Variants in GRID1 observed in about 807,000 individuals in gnomAD.
GRID1 encodes the protein glutamate receptor ionotropic, delta-1.
In GRID1, 28 loss-of-function variants were observed where a neutral mutation model predicts 98.0. That is an observed-to-expected ratio of 0.29 (90% confidence interval 0.21 to 0.39). The LOEUF (loss-of-function observed/expected upper bound fraction) is 0.39, where lower values mean the gene tolerates loss of function less well. Ranked by LOEUF, GRID1 falls within the 10% of genes least tolerant of loss-of-function variation. The pLI, the probability that GRID1 is intolerant of heterozygous loss-of-function variation, is 1.00. For synonymous variants in GRID1, 553 were observed against 538.5 expected, an observed-to-expected ratio of 1.03 and a Z score of -0.37; for missense variants, 1,111 against 1,340.5, an observed-to-expected ratio of 0.83 and a Z score of 2.67.
At chr10:86,112,074 G>A (rs913352557) in intron 4 of GRID1, among the ~76,000 whole-genome samples, 1 of 152,212 alleles carries the variant, frequency 6.6e-6, no homozygotes, top group African/African-American at 2.4e-5. Flanking sequence ...GACCTGAGTT[G>A]CCACAAAGTG....
intron 12 of GRID1, among the ~76,000 whole-genome samples, chr10:85,671,671 T>G (rs956626420): frequency 1.3e-5 from 2 of 152,174 alleles, no homozygotes; most frequent in African/African-American, 2.4e-5. Context: ...TCATTCTTGA[T>G]GAAAATCTAG....
At position 85,602,526 on chromosome 10, in the gene GRID1, G is replaced by T. The variant is rs1053387966; in HGVS notation, c.2777C>A (p.Ser926Ter). Residue 926 changes from serine to a stop codon, truncating the protein, a stop_gained, in exon 16 of 16, where the codon TCG becomes TAG. Transcript: ENST00000327946. LOFTEE classifies it high-confidence loss of function. The stretch of plus-strand genomic sequence containing the variant: ...CTGCTCTGGCAGAAAGGTGCTGACC[G>T]AGAGCTGGGTGTTCTGGTACTCCCG... ...PTREYQNTQL[S>*]VSTFLPEQSS... 4 of 1,614,138 alleles carry T rather than the reference G, an allele frequency of 2.5e-6. No individual in the cohort carries two copies. Among genetic ancestry groups the T allele is most frequent in the Non-Finnish European group, 3.4e-6 (4 of 1,180,030 alleles).
intron 8 of GRID1, among the ~76,000 whole-genome samples, chr10:85,821,965 G>T (rs1422983063): frequency 6.6e-6 from 1 of 152,096 alleles, no homozygotes; most frequent in Admixed American, 6.5e-5. Flanking sequence ...AAATGGTGCT[G>T]GGAACACTGG....
chr10:86,177,469 GAGAC>G (rs1845592648), intron 3 of GRID1, among the ~76,000 whole-genome samples: 1 of 152,122 alleles, frequency 6.6e-6, no homozygotes, highest in East Asian at 1.9e-4. Context: ...TACAGAGAGA[GAGAC>G]AGAAGCTTTA....
rs1000507378 is a variant in GRID1, at chr10:86,173,008, G to A, written c.520+33356C>T. ...TCTTTCACATGTATACATTTCAATTGTGTCTCCAAAAGACAAGGATTTTTC... is the reference window on the plus strand; with the variant it reads ...TCTTTCACATGTATACATTTCAATTATGTCTCCAAAAGACAAGGATTTTTC... On this transcript the variant is annotated intron_variant, in intron 3 of 15. Transcript: ENST00000327946. 1.3e-4 allele frequency among the ~76,000 whole-genome samples: 20 copies of A among 152,188 alleles called. No homozygotes were observed. In the East Asian group the frequency reaches 3.9e-3, roughly 29 times the overall value.
At chr10:85,627,486 T>G (rs1305701360) in intron 13 of GRID1, among the ~76,000 whole-genome samples, 1 of 152,254 alleles carries the variant, frequency 6.6e-6, no homozygotes, top group Non-Finnish European at 1.5e-5. Context: ...TGTAAAACTT[T>G]ATGTTTGTGA....
At chr10:86,112,917 G>A (rs1384064008) in intron 4 of GRID1, among the ~76,000 whole-genome samples, 2 of 152,066 alleles carry the variant, frequency 1.3e-5, no homozygotes, top group Non-Finnish European at 2.9e-5. Flanking sequence ...AAATTAGGGG[G>A]GAAAAGATGC....
chr10:86,242,310 G>A (rs112844807), intron 2 of GRID1, among the ~76,000 whole-genome samples: 124 of 152,292 alleles, frequency 8.1e-4, no homozygotes, highest in Middle Eastern at 3.4e-3. Flanking sequence ...GGAGTGTTTG[G>A]AGCAAAAGGC....
intron 1 of GRID1, 82 bp from the exon 2 acceptor site, chr10:86,364,178 C>A (rs1046981084): frequency 2.5e-6 from 3 of 1,180,282 alleles, no homozygotes; most frequent in Admixed American, 1.9e-5. Flanking sequence ...AAGGCACTCG[C>A]AGACCGATGA....
Position 85,601,933 on chromosome 10 carries a change from C to A in GRID1, c.*340G>T. 1 of 228,398 alleles carries A rather than the reference C, an allele frequency of 4.4e-6. No individual in the cohort carries two copies. Among genetic ancestry groups the A allele is most frequent in the South Asian group, 1.6e-4 (1 of 6,384 alleles). The allele number at this position is 228,398 out of a possible 1,614,324, so 14.1% of individuals were successfully genotyped here. On this transcript the variant is annotated 3_prime_UTR_variant, in exon 16 of 16. Transcript: ENST00000327946. ...CAGAGAGGGGCTCCTTATCTGGTCG[C>A]CCCTCCTGCCCTCAGAAAGGCCCAG...
At chr10:85,641,805 G>C (rs188377386) in intron 13 of GRID1, among the ~76,000 whole-genome samples, 26 of 152,312 alleles carry the variant, frequency 1.7e-4, no homozygotes, top group African/African-American at 5.8e-4. Flanking sequence ...GCGCAGTGAG[G>C]GAGAAGTTTC....
intron 2 of GRID1, among the ~76,000 whole-genome samples, chr10:86,327,748 A>T (rs1485730260): frequency 6.6e-6 from 1 of 152,248 alleles, no homozygotes; most frequent in African/African-American, 2.4e-5. Context: ...TGGACTGACA[A>T]AAATTAAGAC....
At position 85,802,427 on chromosome 10, in the gene GRID1, T is replaced by A. The variant is rs1842585002; in HGVS notation, c.1233+52069A>T. Among the ~76,000 whole-genome samples the A allele has an allele frequency of 2.0e-5, 3 of 151,960 alleles. No individual in the cohort carries two copies. The South Asian group carries it at 6.2e-4, about 31-fold the overall frequency. On this transcript the variant is annotated intron_variant, in intron 8 of 15. Coordinates refer to ENST00000327946, the MANE Select transcript of GRID1 (RefSeq NM_017551.3). ...ACCCAGAAGCAGACCCACATATATA[T>A]GAATATGAAAATTTGCCTATAGAAA...
chr10:85,890,984 G>A (rs1221593317), intron 5 of GRID1, among the ~76,000 whole-genome samples: 1 of 152,040 alleles, frequency 6.6e-6, no homozygotes, highest in Non-Finnish European at 1.5e-5. Flanking sequence ...TACTCCCCAG[G>A]CAGATATTCA....
intron 12 of GRID1, among the ~76,000 whole-genome samples, chr10:85,664,959 T>C (rs1375323648): frequency 6.6e-6 from 1 of 152,214 alleles, no homozygotes; most frequent in African/African-American, 2.4e-5. Flanking sequence ...AGGCAGTTTC[T>C]AGTACAGAAT....
chr10:85,889,986 G>C (rs1161306046), intron 5 of GRID1, among the ~76,000 whole-genome samples: 1 of 152,084 alleles, frequency 6.6e-6, no homozygotes, highest in Non-Finnish European at 1.5e-5. Flanking sequence ...ATAGTGATCA[G>C]ATCAGGGTGA....
At chr10:86,348,691 C>T (rs1848423072) in intron 2 of GRID1, among the ~76,000 whole-genome samples, 1 of 152,242 alleles carries the variant, frequency 6.6e-6, no homozygotes, top group South Asian at 2.1e-4. Context: ...GACAGCGTCC[C>T]AGGGCAAGGC....
At chr10:86,247,853 A>G (rs1846756695) in intron 2 of GRID1, among the ~76,000 whole-genome samples, 1 of 152,178 alleles carries the variant, frequency 6.6e-6, no homozygotes. Context: ...ATAGGCACAG[A>G]GCCCAGGCAG....
chr10:85,835,941 C>T (rs571368696), intron 8 of GRID1, among the ~76,000 whole-genome samples: 1 of 151,978 alleles, frequency 6.6e-6, no homozygotes, highest in Admixed American at 6.5e-5. Flanking sequence ...AGCCATAAAT[C>T]AAATAGTAAA....
Sources: gnomAD v4.1 joint callset for allele counts (sites outside exome capture counted in the v4.1 genomes callset) on GRCh38, gnomAD v4.1.1 for gene constraint, MANE v1.5 for transcripts, NCBI Gene and HGNC (gene_info 2026-07-23, HGNC 2026-07-21) for gene names.